The following FOLH1 variants were observed in gnomAD, a reference collection of about 807,000 sequenced individuals.
The protein encoded by FOLH1 is glutamate carboxypeptidase 2.
A neutral mutation model predicts 93.9 loss-of-function variants in FOLH1; 54 were observed. The observed-to-expected ratio is 0.57, with a 90% confidence interval of 0.46 to 0.72. The LOEUF (loss-of-function observed/expected upper bound fraction) is 0.72. Among genes scored for constraint, FOLH1 ranks in the 30% least tolerant of loss-of-function variants. FOLH1 has a pLI of 0.00. For missense variants in FOLH1, 571 were observed against 892.5 expected (o/e 0.64, Z 4.59); for synonymous variants, 249 against 303.6 (o/e 0.82, Z 1.87).
intron 6 of FOLH1, among the ~76,000 whole-genome samples, chr11:49,183,999 C>T (rs1226955162): frequency 6.6e-6 from 1 of 152,134 alleles, no homozygotes; most frequent in Non-Finnish European, 1.5e-5. Context: ...TATTTTATTG[C>T]ATGTAAACTG....
At chr11:49,153,759 T>A in intron 17 of FOLH1, 87 bp downstream of exon 17, 19 of 914,090 alleles carry the variant, frequency 2.1e-5, no homozygotes, top group Non-Finnish European at 2.9e-5. Flanking sequence ...TTCCCAAAGC[T>A]AGTTCAGCAA....
intron 13 of FOLH1, among the ~76,000 whole-genome samples, chr11:49,158,475 A>C (rs1857272990): frequency 6.6e-6 from 1 of 152,188 alleles, no homozygotes; most frequent in Non-Finnish European, 1.5e-5. Context: ...AGGGTTGCCA[A>C]AGTCATTCAA....
chr11:49,183,411 C>T (rs1031997183), intron 6 of FOLH1, among the ~76,000 whole-genome samples, 169 bp from the exon 7 acceptor site: 14 of 152,142 alleles, frequency 9.2e-5, no homozygotes, highest in African/African-American at 3.4e-4. Context: ...AATCCTCATA[C>T]ATTGCTTGTG....
chr11:49,194,277 A>G (rs1046615958), intron 3 of FOLH1, among the ~76,000 whole-genome samples: 2 of 152,006 alleles, frequency 1.3e-5, no homozygotes, highest in Non-Finnish European at 2.9e-5. Context: ...ACAAATTTCC[A>G]TTCACTGTTT....
chr11:49,207,948 CAAACAAAACA>C (rs74962694), intron 1 of FOLH1: 13 of 496,384 alleles, frequency 2.6e-5, no homozygotes, highest in Admixed American at 1.2e-4. Context: ...AACAAACAAA[CAAACAAAACA>C]AAACAAAACA....
At chr11:49,201,265 T>C (rs531786877) in intron 2 of FOLH1, among the ~76,000 whole-genome samples, 19 of 148,674 alleles carry the variant, frequency 1.3e-4, no homozygotes, top group Admixed American at 1.2e-3. Flanking sequence ...GATATATATA[T>C]ATATATATAT....
chr11:49,198,008 T>C (rs1862812674), intron 3 of FOLH1, among the ~76,000 whole-genome samples: 1 of 152,006 alleles, frequency 6.6e-6, no homozygotes, highest in Non-Finnish European at 1.5e-5. Flanking sequence ...ATTAAGAAAC[T>C]AGGTATCTAA....
Position 49,208,558 on chromosome 11 carries a change from C to T in FOLH1, c.-149G>A, listed in dbSNP as rs761918085. 5.4e-5 allele frequency: 30 copies of T among 551,078 alleles called. No homozygotes were observed. Among genetic ancestry groups the T allele is most frequent in the Non-Finnish European group, 9.5e-5 (30 of 314,220 alleles). 34.1% of individuals were successfully genotyped at this position (551,078 alleles called of 1,614,324 possible). ...CTGCAGGCTGGAATTCGCTCCAGAC[C>T]TGGGGTCCAGTTTCTCCACCACAGC... On this transcript the variant is annotated 5_prime_UTR_variant, in exon 1 of 19. Coordinates refer to ENST00000256999, the MANE Select transcript of FOLH1 (RefSeq NM_004476.3).
At chr11:49,167,288 A>T (rs868522340) in intron 12 of FOLH1, among the ~76,000 whole-genome samples, 3 of 152,142 alleles carry the variant, frequency 2.0e-5, no homozygotes, top group Admixed American at 6.5e-5. Flanking sequence ...CCCTTACAGG[A>T]GCCTTTGAGA....
intron 15 of FOLH1, among the ~76,000 whole-genome samples, chr11:49,155,795 CAT>C (rs10526900): frequency 0.019 from 975 of 51,946 alleles, 20 homozygotes; most frequent in African/African-American, 0.031. Flanking sequence ...AAATGAAAAC[CAT>C]ATATATATAT....
intron 3 of FOLH1, among the ~76,000 whole-genome samples, chr11:49,198,444 T>C (rs1862886905): frequency 6.6e-6 from 1 of 151,100 alleles, no homozygotes; most frequent in Admixed American, 6.6e-5. Context: ...ATACCGCCAC[T>C]GCACTCCAGC....
intron 10 of FOLH1, among the ~76,000 whole-genome samples, chr11:49,172,598 CA>C (rs942716133): frequency 5.3e-5 from 8 of 150,062 alleles, no homozygotes; most frequent in Admixed American, 3.3e-4. Context: ...AAAAGTTTCT[CA>C]AAAAAAAAGT....
intron 12 of FOLH1, among the ~76,000 whole-genome samples, chr11:49,168,987 AG>A (rs1858838832): frequency 6.6e-6 from 1 of 152,198 alleles, no homozygotes; most frequent in Non-Finnish European, 1.5e-5. Context: ...AGAAAACAAA[AG>A]GAAAGGAAAG....
In FOLH1 at chr11:49,173,410, C is replaced by A; in HGVS notation, c.1172G>T (p.Gly391Val). 2 of 1,612,166 alleles carry A rather than the reference C, an allele frequency of 1.2e-6. No individual in the cohort carries two copies. Among genetic ancestry groups the A allele is most frequent in the Non-Finnish European group, 1.7e-6 (2 of 1,178,826 alleles). The part of the protein sequence containing the change: ...WVFGGIDPQS[G>V]AAVVHEIVRS... ...CACAATTTCATGAACAACAGCTGCTCCACTCTGAGGGTCAATACCACCAAA... is the reference window on the plus strand; with the variant it reads ...CACAATTTCATGAACAACAGCTGCTACACTCTGAGGGTCAATACCACCAAA... The change falls in exon 10 of 19, where the codon GGA becomes GTA. Residue 391 changes from glycine (G) to valine (V), a missense_variant. Physicochemically the swap from Gly to Val is moderately radical, Grantham distance 109. Coordinates refer to ENST00000256999, the MANE Select transcript of FOLH1 (RefSeq NM_004476.3).
At chr11:49,192,411 T>C (rs547713776) in intron 4 of FOLH1, among the ~76,000 whole-genome samples, 215 of 152,276 alleles carry the variant, frequency 1.4e-3, no homozygotes, top group Middle Eastern at 3.4e-3. Flanking sequence ...TAATTTATGG[T>C]GGCAGAAATG....
At chr11:49,195,556 A>T (rs1394787848) in intron 3 of FOLH1, among the ~76,000 whole-genome samples, 1 of 152,048 alleles carries the variant, frequency 6.6e-6, no homozygotes, top group Admixed American at 6.5e-5. Flanking sequence ...AGGCAATTAT[A>T]AAACAAGAAC....
At chr11:49,154,175 G>A in intron 16 of FOLH1, 53 bp downstream of exon 16, 1 of 1,589,290 alleles carries the variant, frequency 6.3e-7, no homozygotes, top group South Asian at 1.2e-5. Context: ...TTATATTTAG[G>A]AGATTAATAG....
chr11:49,188,883 T>A (rs1353580440), intron 4 of FOLH1, among the ~76,000 whole-genome samples: 2 of 152,244 alleles, frequency 1.3e-5, no homozygotes, highest in Non-Finnish European at 2.9e-5. Flanking sequence ...CATTCAAGTG[T>A]CTTTTAATGA....
intron 3 of FOLH1, among the ~76,000 whole-genome samples, chr11:49,195,028 T>C (rs534358813): frequency 6.6e-6 from 1 of 152,188 alleles, no homozygotes; most frequent in East Asian, 1.9e-4. Context: ...ACATTAAGGA[T>C]AATGGAGATT....
Sources: allele counts gnomAD v4.1 joint callset (sites outside exome capture counted in the v4.1 genomes callset), GRCh38; gene constraint gnomAD v4.1.1; transcripts MANE v1.5; gene names NCBI Gene and HGNC (gene_info 2026-07-23, HGNC 2026-07-21).